The following NRG3 variants were observed in gnomAD, a reference collection of about 807,000 sequenced individuals.
NRG3 encodes pro-neuregulin-3, membrane-bound isoform.
NRG3 carries 31 observed loss-of-function variants against 66.9 expected under a neutral mutation model. That is an observed-to-expected ratio of 0.46 (90% CI 0.35 to 0.63). The LOEUF (loss-of-function observed/expected upper bound fraction) is 0.63, where lower values mean the gene tolerates loss of function less well. Among genes scored for constraint, NRG3 ranks in the 20% least tolerant of loss-of-function variants. NRG3 has a pLI of 0.00. For missense variants in NRG3, 910 were observed against 878.9 expected (o/e 1.04, Z -0.45); for synonymous variants, 393 against 359.4 (o/e 1.09, Z -1.06).
At chr10:82,452,647 G>A (rs2091071710) in intron 2 of NRG3, among the ~76,000 whole-genome samples, 1 of 151,870 alleles carries the variant, frequency 6.6e-6, no homozygotes, top group Admixed American at 6.6e-5. Context: ...CTTGTGATCA[G>A]CTGTCATCTT....
chr10:82,084,673 C>G (rs537102707), intron 1 of NRG3, among the ~76,000 whole-genome samples: 1 of 152,210 alleles, frequency 6.6e-6, no homozygotes, highest in East Asian at 1.9e-4. Context: ...TTTTGAAATA[C>G]TGGGTTGGTG....
rs947353747 is a variant in NRG3, at chr10:82,985,785, C to T, written c.*180C>T. ...ATTTTTTTAAGGGAAAGAAATGTTT[C>T]AGGAGGGATAAAGCTTACCATTAAA... is the stretch of plus-strand genomic sequence containing the variant. On this transcript the variant is annotated 3_prime_UTR_variant, in exon 9 of 9. Transcript: ENST00000372141. 21 of 677,978 alleles carry T rather than the reference C, an allele frequency of 3.1e-5. No homozygotes were observed. Among genetic ancestry groups the T allele is most frequent in the Non-Finnish European group, 4.8e-5 (20 of 417,134 alleles). 42.0% of individuals were successfully genotyped at this position (677,978 alleles called of 1,614,324 possible). A position where few individuals can be genotyped will look rare whatever the true frequency, so the allele number is the denominator to read the frequency against.
chr10:82,570,355 T>C lies in NRG3; in HGVS notation c.954-168222T>C, dbSNP rs184740379. ...CTACAATTTTGTCTTGCGAATACTT[T>C]CCATAGTTGTTATTTTTACTATTTG... On this transcript the variant is annotated intron_variant, in intron 2 of 8. Transcript: ENST00000372141. Among the ~76,000 whole-genome samples, 502 of 151,770 alleles carry C rather than the reference T, an allele frequency of 3.3e-3. 3 individuals are homozygous for C. Among genetic ancestry groups the C allele is most frequent in the Non-Finnish European group, 5.9e-3 (397 of 67,718 alleles).
chr10:82,985,944 T>C lies in NRG3; in HGVS notation c.*339T>C. On this transcript the variant is annotated 3_prime_UTR_variant, in exon 9 of 9. Coordinates refer to ENST00000372141, the MANE Select transcript of NRG3 (RefSeq NM_001010848.4). ...TCATTAAAAAACACTGGCAGTTACC[T>C]GGTTTCAAAAAGAGGAGAGCTGCAT... The C allele has an allele frequency of 5.1e-6, 1 of 196,130 alleles. No homozygotes were observed. The highest frequency in any genetic ancestry group is 1.0e-5 in the Non-Finnish European group (1 of 96,074). 12.1% of individuals were successfully genotyped at this position (196,130 alleles called of 1,614,324 possible).
chr10:82,528,371 CCCAAT>C (rs1370529111), intron 2 of NRG3, among the ~76,000 whole-genome samples: 2 of 150,550 alleles, frequency 1.3e-5, no homozygotes, highest in Non-Finnish European at 2.9e-5. Flanking sequence ...TTTTAAAAAG[CCCAAT>C]CATTAAAGTG....
intron 8 of NRG3, among the ~76,000 whole-genome samples, chr10:82,983,200 G>A (rs1486047021): frequency 6.6e-6 from 1 of 152,144 alleles, no homozygotes; most frequent in East Asian, 1.9e-4. Flanking sequence ...TGTTTCACTG[G>A]TGAACCTGAC....
chr10:82,116,340 T>A (rs945044506), intron 1 of NRG3, among the ~76,000 whole-genome samples: 1 of 152,128 alleles, frequency 6.6e-6, no homozygotes, highest in African/African-American at 2.4e-5. Context: ...AAATATTAAT[T>A]CTTAAACAGC....
intron 1 of NRG3, among the ~76,000 whole-genome samples, chr10:82,116,028 T>A (rs2067690924): frequency 6.6e-6 from 1 of 152,188 alleles, no homozygotes; most frequent in African/African-American, 2.4e-5. Context: ...CAGGCACCTT[T>A]AACCAGGCTA....
chr10:82,192,990 AG>A (rs1413315799), intron 1 of NRG3, among the ~76,000 whole-genome samples: 4 of 151,280 alleles, frequency 2.6e-5, no homozygotes, highest in African/African-American at 9.8e-5. Context: ...AGAGAGAGAG[AG>A]AGAGAGTTTG....
intron 3 of NRG3, among the ~76,000 whole-genome samples, chr10:82,848,861 G>A (rs1170330487): frequency 6.6e-6 from 1 of 152,154 alleles, no homozygotes; most frequent in African/African-American, 2.4e-5. Context: ...TCTCTTGCCT[G>A]CCGCCATGTA....
At chr10:82,426,129 G>C (rs2089421820) in intron 2 of NRG3, among the ~76,000 whole-genome samples, 1 of 152,094 alleles carries the variant, frequency 6.6e-6, no homozygotes, top group Non-Finnish European at 1.5e-5. Flanking sequence ...TTTCCATTGA[G>C]GGCAGACCTT....
At chr10:82,826,614 T>C (rs2062222255) in intron 3 of NRG3, among the ~76,000 whole-genome samples, 1 of 152,168 alleles carries the variant, frequency 6.6e-6, no homozygotes, top group Admixed American at 6.5e-5. Context: ...TTCAGCAACA[T>C]GGATGCAGCT....
chr10:82,678,734 A>G (rs1227667544), intron 2 of NRG3, among the ~76,000 whole-genome samples: 1 of 151,958 alleles, frequency 6.6e-6, no homozygotes, highest in African/African-American at 2.4e-5. Flanking sequence ...CCAACAGAGC[A>G]ACAGCGGACA....
intron 4 of NRG3, among the ~76,000 whole-genome samples, chr10:82,889,423 G>A (rs1394509427): frequency 6.6e-6 from 1 of 152,140 alleles, no homozygotes; most frequent in African/African-American, 2.4e-5. Context: ...GAGAGGGAAA[G>A]TTGAATATAA....
chr10:82,038,525 TA>T (rs2062893712), intron 1 of NRG3, among the ~76,000 whole-genome samples: 1 of 152,156 alleles, frequency 6.6e-6, no homozygotes, highest in Admixed American at 6.6e-5. Flanking sequence ...TTCAGACTAC[TA>T]GAAGTCACAA....
chr10:82,672,197 G>C (rs1426384455), intron 2 of NRG3, among the ~76,000 whole-genome samples: 3 of 152,134 alleles, frequency 2.0e-5, no homozygotes, highest in African/African-American at 7.2e-5. Flanking sequence ...AGAGTACTAG[G>C]AAAGAAATGT....
At chr10:82,039,437 A>T (rs575030505) in intron 1 of NRG3, among the ~76,000 whole-genome samples, 1 of 152,204 alleles carries the variant, frequency 6.6e-6, no homozygotes, top group South Asian at 2.1e-4. Context: ...CGCATTGGGG[A>T]TAGTAGTAAA....
At chr10:82,832,641 G>C (rs1320465024) in intron 3 of NRG3, among the ~76,000 whole-genome samples, 1 of 152,118 alleles carries the variant, frequency 6.6e-6, no homozygotes, top group Non-Finnish European at 1.5e-5. Context: ...TCAAAAGTGT[G>C]CGATGAGAGG....
chr10:82,298,056 A>T (rs1309587608), intron 1 of NRG3, among the ~76,000 whole-genome samples: 2 of 152,104 alleles, frequency 1.3e-5, no homozygotes, highest in Non-Finnish European at 2.9e-5. Context: ...AGGTGAGAGG[A>T]TCACTTGAGT....
Sources: allele counts gnomAD v4.1 joint callset (sites outside exome capture counted in the v4.1 genomes callset), GRCh38; gene constraint gnomAD v4.1.1; transcripts MANE v1.5; gene names NCBI Gene and HGNC (gene_info 2026-07-23, HGNC 2026-07-21).